Variants in PCLAF observed in about 807,000 individuals in gnomAD.
The protein encoded by PCLAF is PCNA-associated factor.
PCLAF carries 12 observed loss-of-function variants against 15.1 expected under a neutral mutation model. That is an observed-to-expected ratio of 0.79 (90% CI 0.51 to 1.29). PCLAF has a LOEUF of 1.29. PCLAF is among the 50% of genes most tolerant of loss of function. The probability of loss-of-function intolerance (pLI) is 0.00; values close to 1 mark genes in which losing one functional copy is unlikely to be tolerated. For synonymous variants in PCLAF, 33 were observed against 47.1 expected (o/e 0.70, Z 1.22); for missense variants, 116 against 130.9 (o/e 0.89, Z 0.56).
At chr15:64,380,274 T>C (rs906169661) in intron 2 of PCLAF, among the ~76,000 whole-genome samples, 1 of 151,812 alleles carries the variant, frequency 6.6e-6, no homozygotes, top group Non-Finnish European at 1.5e-5. Flanking sequence ...TCCCAGCTAC[T>C]CAGGAGGCAG....
At chr15:64,373,095 C>T (rs1345452347) in intron 3 of PCLAF, 1 of 152,162 alleles carries the variant, frequency 6.6e-6, no homozygotes, top group African/African-American at 2.4e-5. Flanking sequence ...ATAGTAACAC[C>T]TGGTAGTTTC....
chr15:64,367,758 A>G (rs1406429010), intron 3 of PCLAF, among the ~76,000 whole-genome samples: 1 of 151,500 alleles, frequency 6.6e-6, no homozygotes, highest in Non-Finnish European at 1.5e-5. Flanking sequence ...CCATGTTGGC[A>G]AGGATGGTCT....
At chr15:64,367,438 G>T (rs1050771205) in intron 3 of PCLAF, among the ~76,000 whole-genome samples, 2 of 151,826 alleles carry the variant, frequency 1.3e-5, no homozygotes, top group African/African-American at 4.8e-5. Context: ...AGGAGGCAGA[G>T]GTTGCCGTGA....
At chr15:64,370,942 T>G (rs569082939) in intron 3 of PCLAF, among the ~76,000 whole-genome samples, 7 of 150,348 alleles carry the variant, frequency 4.7e-5, no homozygotes, top group Non-Finnish European at 8.9e-5. Flanking sequence ...AGAACCAGAT[T>G]TGTTATTTTG....
intron 2 of PCLAF, among the ~76,000 whole-genome samples, chr15:64,377,306 A>C (rs536370658): frequency 6.7e-6 from 1 of 149,922 alleles, no homozygotes; most frequent in East Asian, 2.0e-4. Flanking sequence ...GTCTCTACTA[A>C]AAATACAAAA....
chr15:64,367,686 T>A (rs2140517242), intron 3 of PCLAF, among the ~76,000 whole-genome samples: 1 of 151,746 alleles, frequency 6.6e-6, no homozygotes, highest in South Asian at 2.1e-4. Flanking sequence ...TAGCTGGGAT[T>A]ACAGACATAC....
chr15:64,387,194 A>G (rs1194874861), intron 1 of PCLAF, among the ~76,000 whole-genome samples: 2 of 151,934 alleles, frequency 1.3e-5, no homozygotes, highest in Admixed American at 6.6e-5. Flanking sequence ...ATCCCGGTTA[A>G]CACGTGAAAC....
At chr15:64,378,055 C>A (rs554353154) in intron 2 of PCLAF, among the ~76,000 whole-genome samples, 2 of 151,936 alleles carry the variant, frequency 1.3e-5, no homozygotes, top group African/African-American at 4.8e-5. Flanking sequence ...CTCAGCCTCC[C>A]GAGCAGTTGG....
chr15:64,384,738 T>TAAA (rs760374421), upstream of PCLAF, among the ~76,000 whole-genome samples: 1 of 103,564 alleles, frequency 9.7e-6, no homozygotes, highest in Non-Finnish European at 2.0e-5. Flanking sequence ...CAAGAATGTC[T>TAAA]AAAAAAAAAA....
chr15:64,379,837 C>G (rs1899753480), intron 2 of PCLAF, among the ~76,000 whole-genome samples: 1 of 152,098 alleles, frequency 6.6e-6, no homozygotes, highest in African/African-American at 2.4e-5. Flanking sequence ...TTCACTCCTA[C>G]TCTCCCAAAG....
At chr15:64,384,738 TAA>T (rs760374421), upstream of PCLAF, among the ~76,000 whole-genome samples, 12 of 103,528 alleles carry the variant, frequency 1.2e-4, no homozygotes, top group African/African-American at 1.4e-4. Flanking sequence ...CAAGAATGTC[TAA>T]AAAAAAAAAA....
Position 64,381,058 on chromosome 15 carries a change from A to C in PCLAF, c.47-20T>G. ...CCACCACTGTGAAGAGAGGCAAAAA[A>C]GGGTGTTCAGAAGGGGCAGGAGGGT... On this transcript the variant is annotated intron_variant, in intron 1 of 3. Coordinates refer to ENST00000300035, the MANE Select transcript of PCLAF (RefSeq NM_014736.6). 1 of 1,613,070 alleles carries C rather than the reference A, an allele frequency of 6.2e-7. No homozygotes were observed. Among genetic ancestry groups the C allele is most frequent in the Non-Finnish European group, 8.5e-7 (1 of 1,179,212 alleles).
exon 1 of PCLAF, chr15:64,387,528 G>A: frequency 7.6e-7 from 1 of 1,311,494 alleles, no homozygotes; most frequent in Non-Finnish European, 9.8e-7. Flanking sequence ...AGCTTTCCGG[G>A]TATTGGTTTG....
rs1466665591 is a variant in PCLAF, at chr15:64,364,461, A to G, written c.*1569T>C. 1 of 152,156 alleles carries G rather than the reference A, an allele frequency of 6.6e-6. No homozygotes were observed. 9.4% of individuals were successfully genotyped at this position (152,156 alleles called of 1,614,324 possible). A position where few individuals can be genotyped will look rare whatever the true frequency, so the allele number is the denominator to read the frequency against. ...ATTATACCTCTGGTTATGTTGAAAA[A>G]TGTCATAGTAGCTCTTAGGAGTTTT... On this transcript the variant is annotated 3_prime_UTR_variant, in exon 4 of 4. Transcript: ENST00000300035.
chr15:64,372,239 A>G (rs1899350407), intron 3 of PCLAF, among the ~76,000 whole-genome samples: 1 of 152,218 alleles, frequency 6.6e-6, no homozygotes, highest in Admixed American at 6.5e-5. Flanking sequence ...TTTTAAGTGT[A>G]TATGCAAGAA....
At chr15:64,381,484 C>A (rs1899821567), upstream of PCLAF, 1 of 1,597,150 alleles carries the variant, frequency 6.3e-7, no homozygotes, top group Non-Finnish European at 8.5e-7. Context: ...GTCTCTTTCC[C>A]GCGCGCTCCA....
chr15:64,381,420 G>A lies in PCLAF; in HGVS notation c.-49C>T, dbSNP rs763480597. ...GAGAGAACGAACTGACTTCCCAGCC[G>A]AGGGTGTTTCACTGGACAAGGACCC... On this transcript the variant is annotated 5_prime_UTR_variant, in exon 1 of 4. Transcript: ENST00000300035. 22 of 1,613,752 alleles carry A rather than the reference G, an allele frequency of 1.4e-5. No homozygotes were observed. Among genetic ancestry groups the A allele is most frequent in the African/African-American group, 2.7e-5 (2 of 74,902 alleles).
intron 2 of PCLAF, among the ~76,000 whole-genome samples, chr15:64,380,117 T>C (rs1899764069): frequency 6.6e-6 from 1 of 151,900 alleles, no homozygotes; most frequent in Non-Finnish European, 1.5e-5. Context: ...GCGTGGTGGA[T>C]CACGTCTGTG....
At chr15:64,366,779 C>T (rs970705595) in intron 3 of PCLAF, among the ~76,000 whole-genome samples, 1 of 152,068 alleles carries the variant, frequency 6.6e-6, no homozygotes, top group Non-Finnish European at 1.5e-5. Flanking sequence ...TCGAGACCAG[C>T]CTAGCCAACA....
Sources: gnomAD v4.1 joint callset for allele counts (sites outside exome capture counted in the v4.1 genomes callset) on GRCh38, gnomAD v4.1.1 for gene constraint, MANE v1.5 for transcripts, NCBI Gene and HGNC (gene_info 2026-07-23, HGNC 2026-07-21) for gene names.